Variants in CDH19 observed in about 807,000 individuals in gnomAD.
CDH19 encodes cadherin-19.
A neutral mutation model predicts 64.2 loss-of-function variants in CDH19; 67 were observed. The ratio of observed to expected loss-of-function variants is 1.04; its 90% confidence interval spans 0.86 to 1.28. CDH19 has a LOEUF of 1.28. CDH19 is among the 50% of genes most tolerant of loss of function. The pLI, the probability that CDH19 is intolerant of heterozygous loss-of-function variation, is 0.00. For synonymous variants in CDH19, 346 were observed against 319.3 expected, an observed-to-expected ratio of 1.08 and a Z score of -0.89; for missense variants, 1,030 against 929.0, an observed-to-expected ratio of 1.11 and a Z score of -1.41.
intron 10 of CDH19, among the ~76,000 whole-genome samples, chr18:66,510,526 T>C (rs981652306): frequency 1.4e-5 from 2 of 147,174 alleles, no homozygotes; most frequent in African/African-American, 4.9e-5. Context: ...ATATAATTTT[T>C]AACTTAGAGT....
chr18:66,544,834 T>C lies in CDH19; in HGVS notation c.845A>G (p.Asp282Gly). The part of the protein sequence containing the change: ...GTSIGTIMAY[D>G]NDIGENAEMD... ...TTCTGCATTCTCTCCTATGTCATTATCATATGCCATGATTGTTCCTATAGA... is the reference window on the plus strand; with the variant it reads ...TTCTGCATTCTCTCCTATGTCATTACCATATGCCATGATTGTTCCTATAGA... The change falls in exon 6 of 12, where the codon GAT becomes GGT. Residue 282 changes from aspartate to glycine, a missense_variant. By Grantham distance (94) the Asp-to-Gly change is moderately conservative (BLOSUM62 -1). Transcript: ENST00000262150. The C allele has an allele frequency of 6.2e-7, 1 of 1,612,218 alleles. No individual in the cohort carries two copies. Among genetic ancestry groups the C allele is most frequent in the Non-Finnish European group, 8.5e-7 (1 of 1,178,420 alleles).
At chr18:66,598,694 A>G (rs575350396) in intron 1 of CDH19, among the ~76,000 whole-genome samples, 1 of 152,126 alleles carries the variant, frequency 6.6e-6, no homozygotes, top group African/African-American at 2.4e-5. Flanking sequence ...GGGTGGGGTG[A>G]GGAGAGGGCG....
At chr18:66,537,233 C>T (rs1182860482) in intron 7 of CDH19, among the ~76,000 whole-genome samples, 2 of 151,988 alleles carry the variant, frequency 1.3e-5, no homozygotes, top group Non-Finnish European at 2.9e-5. Context: ...CATTTTCCTG[C>T]GTCCTTAGTC....
At chr18:66,577,094 T>C (rs900182239) in intron 1 of CDH19, among the ~76,000 whole-genome samples, 1 of 151,900 alleles carries the variant, frequency 6.6e-6, no homozygotes, top group East Asian at 1.9e-4. Flanking sequence ...TTTATGATGA[T>C]ACTGGATCAG....
intron 7 of CDH19, among the ~76,000 whole-genome samples, chr18:66,543,156 G>A (rs1252810891): frequency 6.6e-6 from 1 of 152,064 alleles, no homozygotes; most frequent in Non-Finnish European, 1.5e-5. Context: ...CTCCTGAGTA[G>A]CTGGGACTAC....
chr18:66,544,674 T>C, intron 6 of CDH19, 45 bp downstream of exon 6: 2 of 1,315,546 alleles, frequency 1.5e-6, no homozygotes, highest in Non-Finnish European at 2.1e-6. Context: ...TGTTATGTTT[T>C]AATTTTGCGC....
intron 3 of CDH19, among the ~76,000 whole-genome samples, chr18:66,562,354 G>T (rs1298835641): frequency 6.6e-6 from 1 of 151,392 alleles, no homozygotes; most frequent in Non-Finnish European, 1.5e-5. Context: ...TTTTCATAAG[G>T]AACATGCAAC....
intron 5 of CDH19, among the ~76,000 whole-genome samples, chr18:66,548,071 T>C (rs185598388): frequency 6.8e-6 from 1 of 147,040 alleles, no homozygotes; most frequent in African/African-American, 2.5e-5. Context: ...ATATTGAATG[T>C]ATATTATATA....
At chr18:66,507,078 C>T (rs1484918640) in intron 11 of CDH19, among the ~76,000 whole-genome samples, 10 of 151,848 alleles carry the variant, frequency 6.6e-5, no homozygotes, top group African/African-American at 2.2e-4. Context: ...TACAAAGCTG[C>T]CCCTTGTTTG....
chr18:66,565,689 T>G (rs1216372678), intron 3 of CDH19, among the ~76,000 whole-genome samples: 1 of 151,968 alleles, frequency 6.6e-6, no homozygotes, highest in Non-Finnish European at 1.5e-5. Flanking sequence ...TTTATTTACT[T>G]CACAGTCAAC....
At chr18:66,578,539 G>A (rs187961162) in intron 1 of CDH19, among the ~76,000 whole-genome samples, 4 of 151,778 alleles carry the variant, frequency 2.6e-5, no homozygotes, top group African/African-American at 4.8e-5. Context: ...ATGTAAAATC[G>A]CATGACTATT....
chr18:66,524,552 ATATATATATATATATAT>A (rs1986140058), intron 9 of CDH19, among the ~76,000 whole-genome samples: 1 of 138,026 alleles, frequency 7.2e-6, no homozygotes, highest in Non-Finnish European at 1.6e-5. Context: ...GTATATATAT[ATATATATATATATATAT>A]AAACATCATC....
At chr18:66,508,800 T>A (rs1310542380) in intron 11 of CDH19, among the ~76,000 whole-genome samples, 195 bp downstream of exon 11, 1 of 151,958 alleles carries the variant, frequency 6.6e-6, no homozygotes, top group Non-Finnish European at 1.5e-5. Flanking sequence ...ACTTATTTAC[T>A]CCACTTGATT....
rs117001745 is a variant in CDH19, at chr18:66,515,713, C to T, written c.1459-4028G>A. On this transcript the variant is annotated intron_variant, in intron 9 of 11. Transcript: ENST00000262150. Reference sequence around the variant, plus strand: ...ACATTCCTAGATTTTTATCTCAATACGTATTTTCTAATTTTCCTTTTAAAG... The same window carrying T: ...ACATTCCTAGATTTTTATCTCAATATGTATTTTCTAATTTTCCTTTTAAAG... Among the ~76,000 whole-genome samples, 12 of 151,798 alleles carry T rather than the reference C, an allele frequency of 7.9e-5. No homozygotes were observed. In the East Asian group the frequency reaches 1.7e-3, roughly 22 times the overall value.
chr18:66,536,615 A>G, intron 7 of CDH19, among the ~76,000 whole-genome samples: 1 of 151,824 alleles, frequency 6.6e-6, no homozygotes. Flanking sequence ...TAAACAATAA[A>G]TTGGTTCAGT....
chr18:66,529,377 T>A (rs905141781), intron 9 of CDH19, among the ~76,000 whole-genome samples: 10 of 151,464 alleles, frequency 6.6e-5, no homozygotes, highest in African/African-American at 2.2e-4. Context: ...TTAATTTTTT[T>A]AATTGTATTG....
intron 1 of CDH19, among the ~76,000 whole-genome samples, chr18:66,574,912 A>T (rs139098362): frequency 1.3e-3 from 199 of 151,942 alleles, no homozygotes; most frequent in African/African-American, 4.7e-3. Flanking sequence ...AAATTAATCC[A>T]ACTGAGAATT....
chr18:66,508,946 A>T (rs1274343309), intron 11 of CDH19, 49 bp downstream of exon 11: 3 of 1,580,278 alleles, frequency 1.9e-6, no homozygotes, highest in Admixed American at 3.4e-5. Flanking sequence ...ACCACCTACC[A>T]AATATGATCA....
intron 1 of CDH19, among the ~76,000 whole-genome samples, chr18:66,573,584 A>G (rs985176192): frequency 8.6e-5 from 13 of 151,116 alleles, no homozygotes; most frequent in African/African-American, 3.2e-4. Flanking sequence ...TTGGTAGCTG[A>G]TGAATAAAAA....
Sources: allele counts gnomAD v4.1 joint callset (sites outside exome capture counted in the v4.1 genomes callset), GRCh38; gene constraint gnomAD v4.1.1; transcripts MANE v1.5; gene names NCBI Gene and HGNC (gene_info 2026-07-23, HGNC 2026-07-21).